The following SLC66A3 variants were observed in gnomAD, a reference collection of about 807,000 sequenced individuals.
The protein encoded by SLC66A3 is PQ loop repeat containing 3.
Under a neutral mutation model 25.5 loss-of-function variants are expected in SLC66A3, and 23 were observed. That is an observed-to-expected ratio of 0.90 (90% CI 0.65 to 1.28). The LOEUF (loss-of-function observed/expected upper bound fraction) is 1.28. Among genes scored for constraint, SLC66A3 ranks in the 50% most tolerant of loss-of-function variants. The pLI is 0.00. For missense variants in SLC66A3, 246 were observed against 262.1 expected, an observed-to-expected ratio of 0.94 and a Z score of 0.42; for synonymous variants, 108 against 112.6, an observed-to-expected ratio of 0.96 and a Z score of 0.26.
At chr2:11,173,644 A>G (rs1423243514) in intron 5 of SLC66A3, among the ~76,000 whole-genome samples, 22 of 152,216 alleles carry the variant, frequency 1.4e-4, no homozygotes, top group Admixed American at 1.4e-3. Context: ...AAAAACTTCT[A>G]TGTCAATATG....
chr2:11,173,723 G>T (rs1349190367), intron 5 of SLC66A3, among the ~76,000 whole-genome samples: 1 of 152,206 alleles, frequency 6.6e-6, no homozygotes, highest in African/African-American at 2.4e-5. Flanking sequence ...GGCATGCCTT[G>T]AGCTGCAGGC....
At position 11,155,658 on chromosome 2, in the gene SLC66A3, A is replaced by G. The variant is rs1558246280; in HGVS notation, c.112A>G (p.Ser38Gly). Residue 38 changes from serine (S) to glycine (G), a missense_variant, in exon 1 of 7, where the codon AGC becomes GGC. Transcript: ENST00000295083. ...AGCGGCGCGCAGCGCGCGGGGCCTC[A>G]GCCTTCCGAGTTTACTTCTGGAGCT... ...VLAARSARGL[S>G]LPSLLLELAG... 6.8e-7 allele frequency: 1 copy of G among 1,476,482 alleles called. No homozygotes were observed. Among genetic ancestry groups the G allele is most frequent in the Non-Finnish European group, 8.9e-7 (1 of 1,121,010 alleles). 91.5% of individuals were successfully genotyped at this position (1,476,482 alleles called of 1,614,324 possible). A position where few individuals can be genotyped will look rare whatever the true frequency, so the allele number is the denominator to read the frequency against.
At chr2:11,160,935 C>T (rs770893393) in intron 3 of SLC66A3, 132 of 605,742 alleles carry the variant, frequency 2.2e-4, no homozygotes, top group Non-Finnish European at 3.3e-4. Context: ...GAAGGCAGAT[C>T]GGTAGAGTCC....
intron 6 of SLC66A3, among the ~76,000 whole-genome samples, chr2:11,176,779 C>G (rs12986794): frequency 6.6e-6 from 1 of 151,222 alleles, no homozygotes; most frequent in Non-Finnish European, 1.5e-5. Context: ...CCGCCCGCCT[C>G]GGCCTCCCAA....
At chr2:11,167,988 A>G (rs1288846766) in intron 4 of SLC66A3, among the ~76,000 whole-genome samples, 2 of 152,184 alleles carry the variant, frequency 1.3e-5, no homozygotes, top group Admixed American at 6.5e-5. Context: ...GTACTTAAAA[A>G]TGATCTGCAA....
In SLC66A3 at chr2:11,178,047, T is replaced by C. The variant is rs1662828216; in HGVS notation, c.*219T>C. The C allele has an allele frequency of 4.2e-6, 2 of 478,390 alleles. No homozygotes were observed. The highest frequency in any genetic ancestry group is 7.8e-5 in the Admixed American group (2 of 25,538). 29.6% of individuals were successfully genotyped at this position (478,390 alleles called of 1,614,324 possible). Reference sequence around the variant, plus strand: ...TCACTTCGTTAGGTTATGGTAGTGCTCAGACATCTGCAGTGTTGAGGCCAG... The same window carrying C: ...TCACTTCGTTAGGTTATGGTAGTGCCCAGACATCTGCAGTGTTGAGGCCAG... On this transcript the variant is annotated 3_prime_UTR_variant, in exon 7 of 7. Coordinates refer to ENST00000295083, the MANE Select transcript of SLC66A3 (RefSeq NM_152391.5).
intron 3 of SLC66A3, 34 bp from the exon 4 acceptor site, chr2:11,164,170 T>G: frequency 7.0e-7 from 1 of 1,423,708 alleles, no homozygotes; most frequent in Non-Finnish European, 9.7e-7. Context: ...CGGATGTGGG[T>G]GACCCACTGC....
intron 4 of SLC66A3, among the ~76,000 whole-genome samples, chr2:11,165,881 C>A (rs980678840): frequency 2.6e-5 from 4 of 151,502 alleles, no homozygotes; most frequent in African/African-American, 9.7e-5. Context: ...TCAGGCGTGG[C>A]GGCGCACGCC....
chr2:11,168,972 C>T (rs1662451387), intron 4 of SLC66A3, among the ~76,000 whole-genome samples: 1 of 152,098 alleles, frequency 6.6e-6, no homozygotes, highest in Admixed American at 6.5e-5. Flanking sequence ...ATTCTTGTGC[C>T]TGAGCCTCCT....
Position 11,171,945 on chromosome 2 carries a change from C to T in SLC66A3, c.375C>T (p.Ser125=), listed in dbSNP as rs192605730. Residue 125 remains serine (S), a synonymous_variant, in exon 5 of 7, where the codon AGC becomes AGT. Coordinates refer to ENST00000295083, the MANE Select transcript of SLC66A3 (RefSeq NM_152391.5). The part of the protein sequence containing the change: ...DLAMNLCTFI[S]AASKFAQLQC... ...AACAGAATCTATGTACTTTCATCAG[C>T]GCGGCCAGTAAGTTTGCACAGCTCC... 110 of 1,613,942 alleles carry T rather than the reference C, an allele frequency of 6.8e-5. No individual in the cohort carries two copies. In the East Asian group the frequency reaches 1.8e-3, roughly 26 times the overall value.
At chr2:11,161,005 C>CTGATATGT (rs1259206677) in intron 3 of SLC66A3, among the ~76,000 whole-genome samples, 1 of 152,106 alleles carries the variant, frequency 6.6e-6, no homozygotes, top group Non-Finnish European at 1.5e-5. Flanking sequence ...TTTCTTCCTG[C>CTGATATGT]CCTGATAATG....
chr2:11,174,195 A>G (rs1039080641), intron 5 of SLC66A3, among the ~76,000 whole-genome samples: 3 of 151,974 alleles, frequency 2.0e-5, no homozygotes, highest in Admixed American at 1.3e-4. Context: ...TGACCTCATG[A>G]TCCACCCGCC....
chr2:11,176,009 T>G (rs1257554008), intron 6 of SLC66A3, among the ~76,000 whole-genome samples: 1 of 152,212 alleles, frequency 6.6e-6, no homozygotes, highest in African/African-American at 2.4e-5. Context: ...AGCATAAACT[T>G]TGATCAAGTG....
At chr2:11,161,155 G>A (rs1662115115) in intron 3 of SLC66A3, among the ~76,000 whole-genome samples, 1 of 152,100 alleles carries the variant, frequency 6.6e-6, no homozygotes, top group African/African-American at 2.4e-5. Context: ...TCAGAGACCT[G>A]TTCCTGCTCA....
In SLC66A3 at chr2:11,160,690, G is replaced by T; in HGVS notation, c.292G>T (p.Ala98Ser). Residue 98 changes from alanine to serine, a missense_variant, in exon 3 of 7, where the codon GCT becomes TCT. Physicochemically the swap from Ala to Ser is moderately conservative, Grantham distance 99 (BLOSUM62 1). Transcript: ENST00000295083. Reference protein sequence around the residue: ...GNVKQATPYIAVLVSSWFILA... With the variant: ...GNVKQATPYISVLVSSWFILA... Reference sequence around the variant, plus strand: ...CGTGAAGCAGGCCACTCCTTACATCGCTGTGTATCCTTTCTGAATCTGAGC... The same window carrying T: ...CGTGAAGCAGGCCACTCCTTACATCTCTGTGTATCCTTTCTGAATCTGAGC... 1 of 1,613,794 alleles carries T rather than the reference G, an allele frequency of 6.2e-7. No individual in the cohort carries two copies. Among genetic ancestry groups the T allele is most frequent in the Non-Finnish European group, 8.5e-7 (1 of 1,179,938 alleles).
Position 11,160,907 on chromosome 2 carries a change from G to A in SLC66A3, c.296+213G>A, listed in dbSNP as rs879393296. The A allele has an allele frequency of 1.6e-5, 12 of 747,638 alleles. No individual in the cohort carries two copies. In the Admixed American group the frequency reaches 3.2e-4, roughly 20 times the overall value. 46.3% of individuals were successfully genotyped at this position (747,638 alleles called of 1,614,324 possible). ...CTCCGAGACCAGCATGCCCTGGGCG[G>A]TGCCAGCAGGCCGAGTGGAAGGCAG... is the stretch of plus-strand genomic sequence containing the variant. On this transcript the variant is annotated intron_variant, in intron 3 of 6. Transcript: ENST00000295083.
At chr2:11,157,312 T>G (rs941573873) in intron 1 of SLC66A3, among the ~76,000 whole-genome samples, 2 of 152,230 alleles carry the variant, frequency 1.3e-5, no homozygotes, top group African/African-American at 4.8e-5. Flanking sequence ...CTGGCCTGTC[T>G]AAGGGTCTTG....
At chr2:11,162,667 T>A (rs763825410) in intron 3 of SLC66A3, among the ~76,000 whole-genome samples, 1 of 152,186 alleles carries the variant, frequency 6.6e-6, no homozygotes, top group Admixed American at 6.5e-5. Flanking sequence ...AGTGCAGTGG[T>A]GCCATCTCAG....
intron 3 of SLC66A3, 73 bp downstream of exon 3, chr2:11,160,767 G>A (rs1662094352): frequency 1.2e-6 from 2 of 1,608,370 alleles, no homozygotes; most frequent in Admixed American, 3.4e-5. Context: ...TGTGAAGCAG[G>A]CTCCTTTACC....
Sources: gnomAD v4.1 joint callset for allele counts (sites outside exome capture counted in the v4.1 genomes callset) on GRCh38, gnomAD v4.1.1 for gene constraint, MANE v1.5 for transcripts, NCBI Gene and HGNC (gene_info 2026-07-23, HGNC 2026-07-21) for gene names.